SLC14A2: variants seen among roughly 807,000 people sequenced by gnomAD.
SLC14A2 encodes the protein solute carrier family 14 member 2.
Under a neutral mutation model 104.6 loss-of-function variants are expected in SLC14A2, and 91 were observed. The ratio of observed to expected loss-of-function variants is 0.87; its 90% CI spans 0.73 to 1.04. The LOEUF is 1.04. SLC14A2 is among the 50% of genes least tolerant of loss of function. The pLI is 0.00. For synonymous variants in SLC14A2, 476 were observed against 466.4 expected, an observed-to-expected ratio of 1.02 and a Z score of -0.27; for missense variants, 1,189 against 1,156.0, an observed-to-expected ratio of 1.03 and a Z score of -0.41.
intron 1 of SLC14A2, among the ~76,000 whole-genome samples, chr18:45,408,251 C>T (rs528191015): frequency 1.2e-4 from 18 of 152,196 alleles, no homozygotes; most frequent in Non-Finnish European, 2.6e-4. Context: ...GATCATTTTT[C>T]TCTCTCTCTG....
At chr18:45,467,843 CTG>C (rs1289207320) in intron 1 of SLC14A2, among the ~76,000 whole-genome samples, 1 of 152,158 alleles carries the variant, frequency 6.6e-6, no homozygotes, top group East Asian at 1.9e-4. Context: ...AAAAAACACA[CTG>C]TGAATTAGCT....
chr18:45,375,196 C>T (rs2085761190), intron 1 of SLC14A2, among the ~76,000 whole-genome samples: 2 of 152,150 alleles, frequency 1.3e-5, no homozygotes, highest in Admixed American at 1.3e-4. Context: ...CCAAAATAAA[C>T]CTCCTTCTTG....
At chr18:45,666,054 T>C in intron 11 of SLC14A2, 83 bp from the exon 12 acceptor site, 1 of 935,840 alleles carries the variant, frequency 1.1e-6, no homozygotes, top group Non-Finnish European at 1.8e-6. Context: ...TCTTAACACC[T>C]CTTGAGCCTT....
chr18:45,680,917 C>G (rs1341264117), intron 19 of SLC14A2, among the ~76,000 whole-genome samples: 1 of 152,206 alleles, frequency 6.6e-6, no homozygotes, highest in African/African-American at 2.4e-5. Flanking sequence ...ACTCATCACT[C>G]ATGGGTGCCC....
intron 1 of SLC14A2, among the ~76,000 whole-genome samples, chr18:45,307,417 CA>C (rs71373705): frequency 0.058 from 3,299 of 57,372 alleles, 90 homozygotes; most frequent in East Asian, 0.19. Context: ...GACTCCATCT[CA>C]AAAAAAAAAA....
At chr18:45,618,740 C>G (rs1419782050) in intron 1 of SLC14A2, among the ~76,000 whole-genome samples, 1 of 147,128 alleles carries the variant, frequency 6.8e-6, no homozygotes, top group African/African-American at 2.5e-5. Flanking sequence ...CCCCAGATGA[C>G]CAGGGGACTG....
At chr18:45,195,395 AT>A in the SLC14A2 span, among the ~76,000 whole-genome samples, 12,363 of 151,046 alleles carry the variant, frequency 0.082, 529 homozygotes, top group East Asian at 0.13. Flanking sequence ...GGGAATAAGA[AT>A]TTTTTTTTTC....
intron 7 of SLC14A2, 149 bp from the exon 8 acceptor site, chr18:45,641,060 G>A: frequency 1.4e-6 from 1 of 689,946 alleles, no homozygotes; most frequent in South Asian, 2.2e-5. Flanking sequence ...AAGACCGGAT[G>A]CCATTTGTAG....
intron 1 of SLC14A2, among the ~76,000 whole-genome samples, chr18:45,307,461 A>G (rs1310889559): frequency 4.0e-5 from 6 of 151,670 alleles, no homozygotes; most frequent in African/African-American, 1.5e-4. Flanking sequence ...ACCAACAACA[A>G]CAAAAAAGAA....
chr18:45,525,896 A>G (rs143112374), intron 2 of SLC14A2, among the ~76,000 whole-genome samples: 1,712 of 152,338 alleles, frequency 0.011, 17 homozygotes, highest in Non-Finnish European at 0.013. Context: ...TTGCTGAGAC[A>G]TGATGGAATT....
chr18:45,187,948 T>A, the SLC14A2 span, among the ~76,000 whole-genome samples: 1 of 152,104 alleles, frequency 6.6e-6, no homozygotes, highest in Non-Finnish European at 1.5e-5. Flanking sequence ...GGTTCCATTT[T>A]TTTTCTACAT....
chr18:45,582,318 GA>G lies in SLC14A2; in HGVS notation c.-34-42312del, dbSNP rs569395014. 8.4e-4 allele frequency among the ~76,000 whole-genome samples: 128 copies of G among 152,280 alleles called. 3 individuals carry two copies. Among genetic ancestry groups the G allele is most frequent in the Admixed American group, 7.4e-3 (113 of 15,298 alleles). On this transcript the variant is annotated intron_variant, in intron 2 of 20. Transcript: ENST00000586448. ...AAATTAATAAAATGATATTGGGCTA[GA>G]GATGCTAGGAAATGTGCAAAATCCT...
chr18:45,648,414 C>T (rs890963817), intron 10 of SLC14A2, among the ~76,000 whole-genome samples: 15 of 152,074 alleles, frequency 9.9e-5, no homozygotes, highest in Non-Finnish European at 2.1e-4. Context: ...ACCGTGTTAG[C>T]CAGGATGGTC....
intron 2 of SLC14A2, among the ~76,000 whole-genome samples, chr18:45,543,784 G>A (rs2043925711): frequency 6.6e-6 from 1 of 152,230 alleles, no homozygotes; most frequent in Non-Finnish European, 1.5e-5. Flanking sequence ...TTTGGCTGGT[G>A]TCAAGGAACT....
chr18:45,344,522 A>G (rs1034332803), intron 1 of SLC14A2, among the ~76,000 whole-genome samples: 1 of 152,194 alleles, frequency 6.6e-6, no homozygotes, highest in Non-Finnish European at 1.5e-5. Flanking sequence ...ATACAAATAA[A>G]CAACCAGATG....
At chr18:45,179,574 C>T in the SLC14A2 span, among the ~76,000 whole-genome samples, 1 of 152,150 alleles carries the variant, frequency 6.6e-6, no homozygotes. Context: ...TCCTAAACAT[C>T]CAGCTGACAT....
intron 10 of SLC14A2, among the ~76,000 whole-genome samples, chr18:45,658,756 T>C (rs2045885320): frequency 6.6e-6 from 1 of 152,214 alleles, no homozygotes; most frequent in Admixed American, 6.5e-5. Flanking sequence ...GTTATAACTT[T>C]ATTTCACCAG....
chr18:45,300,384 C>T (rs1412171291), intron 1 of SLC14A2, among the ~76,000 whole-genome samples: 3 of 151,396 alleles, frequency 2.0e-5, no homozygotes, highest in Admixed American at 6.6e-5. Flanking sequence ...ACAGAGCCTG[C>T]TCTATCTCAA....
At chr18:45,177,495 G>A in the SLC14A2 span, among the ~76,000 whole-genome samples, 1 of 152,128 alleles carries the variant, frequency 6.6e-6, no homozygotes, top group Admixed American at 6.6e-5. Flanking sequence ...TCGTGTTCCA[G>A]CCGCAGATTT....
Sources: gnomAD v4.1 joint callset for allele counts (sites outside exome capture counted in the v4.1 genomes callset) on GRCh38, gnomAD v4.1.1 for gene constraint, MANE v1.5 for transcripts, NCBI Gene and HGNC (gene_info 2026-07-23, HGNC 2026-07-21) for gene names.